INSL6: variants seen among roughly 807,000 people sequenced by gnomAD.
The protein encoded by INSL6 is insulin like 6.
A neutral mutation model predicts 9.4 loss-of-function variants in INSL6; 16 were observed. The ratio of observed to expected loss-of-function variants is 1.70; its 90% CI spans 1.15 to 2.59. INSL6 has a LOEUF of 2.59. INSL6 is among the 30% of genes most tolerant of loss of function. The probability of loss-of-function intolerance (pLI) is 0.00; values close to 1 mark genes in which losing one functional copy is unlikely to be tolerated. For missense variants in INSL6, 391 were observed against 257.3 expected (o/e 1.52, Z -3.56); for synonymous variants, 154 against 96.9 (o/e 1.59, Z -3.46).
the INSL6 span, among the ~76,000 whole-genome samples, chr9:5,103,975 A>G: frequency 5.1e-4 from 77 of 152,228 alleles, no homozygotes; most frequent in Non-Finnish European, 9.1e-4. Context: ...GGAAAGAGCT[A>G]AAATCGACAC....
At chr9:5,075,815 T>C in the INSL6 span, among the ~76,000 whole-genome samples, 2 of 152,178 alleles carry the variant, frequency 1.3e-5, no homozygotes, top group Non-Finnish European at 2.9e-5. Context: ...TAAGCTGCCA[T>C]AGATAGTGAT....
the INSL6 span, among the ~76,000 whole-genome samples, chr9:5,084,700 T>C: frequency 6.6e-6 from 1 of 152,214 alleles, no homozygotes; most frequent in Non-Finnish European, 1.5e-5. Context: ...AATTTTAACA[T>C]GGATTATTTG....
At chr9:5,148,541 G>A (rs1413515912) in intron 2 of INSL6, among the ~76,000 whole-genome samples, 1 of 152,170 alleles carries the variant, frequency 6.6e-6, no homozygotes, top group Non-Finnish European at 1.5e-5. Context: ...CTTGGGGAGA[G>A]GCCAGTTAGG....
chr9:5,160,931 A>C (rs1431868187), downstream of INSL6, among the ~76,000 whole-genome samples: 2 of 152,182 alleles, frequency 1.3e-5, no homozygotes, highest in African/African-American at 4.8e-5. Flanking sequence ...ACATGTAATA[A>C]GATTGAAGCT....
At chr9:5,183,318 G>C (rs1825498895) in intron 1 of INSL6, among the ~76,000 whole-genome samples, 1 of 151,998 alleles carries the variant, frequency 6.6e-6, no homozygotes, top group South Asian at 2.1e-4. Flanking sequence ...CTGTTACATA[G>C]TATTTCCACT....
chr9:5,066,635 G>A, the INSL6 span: 1 of 1,045,856 alleles, frequency 9.6e-7, no homozygotes, highest in Non-Finnish European at 1.5e-6. Context: ...ATAATATTAT[G>A]GTGCTTGATA....
At chr9:5,123,769 C>T (rs1823788898), downstream of INSL6, among the ~76,000 whole-genome samples, 1 of 151,960 alleles carries the variant, frequency 6.6e-6, no homozygotes, top group Non-Finnish European at 1.5e-5. Context: ...TTCTCACCAA[C>T]AGTGTATAAG....
At chr9:5,142,572 A>C (rs1824522676) in intron 2 of INSL6, among the ~76,000 whole-genome samples, 1 of 152,210 alleles carries the variant, frequency 6.6e-6, no homozygotes, top group South Asian at 2.1e-4. Context: ...GGCTTTGCTG[A>C]AGCTGTTTAT....
At chr9:5,152,104 A>G (rs1337684025) in intron 2 of INSL6, among the ~76,000 whole-genome samples, 2 of 152,338 alleles carry the variant, frequency 1.3e-5, no homozygotes, top group East Asian at 3.9e-4. Context: ...AAAAATATAA[A>G]TGACCTGAGA....
chr9:5,092,737 C>G, the INSL6 span, among the ~76,000 whole-genome samples: 1 of 152,298 alleles, frequency 6.6e-6, no homozygotes, highest in Non-Finnish European at 1.5e-5. Context: ...AGAGCGTACT[C>G]ACCTACGTGG....
chr9:5,001,862 T>C, the INSL6 span, among the ~76,000 whole-genome samples: 1 of 152,060 alleles, frequency 6.6e-6, no homozygotes, highest in Non-Finnish European at 1.5e-5. Flanking sequence ...AGAGATATGA[T>C]ACTATTCAAG....
At chr9:5,031,634 T>A in the INSL6 span, among the ~76,000 whole-genome samples, 1 of 152,224 alleles carries the variant, frequency 6.6e-6, no homozygotes, top group South Asian at 2.1e-4. Context: ...AAAGTCTGAA[T>A]TGGAACTGAA....
At chr9:5,032,667 A>C in the INSL6 span, among the ~76,000 whole-genome samples, 1 of 152,240 alleles carries the variant, frequency 6.6e-6, no homozygotes, top group Non-Finnish European at 1.5e-5. Flanking sequence ...AAACTCCAAC[A>C]GACCTGCAGC....
At chr9:5,023,213 G>A in the INSL6 span, among the ~76,000 whole-genome samples, 1 of 152,090 alleles carries the variant, frequency 6.6e-6, no homozygotes, top group East Asian at 1.9e-4. Context: ...CTACCTTCAT[G>A]TGATCAACTT....
chr9:5,009,236 C>A, the INSL6 span, among the ~76,000 whole-genome samples: 27 of 152,104 alleles, frequency 1.8e-4, no homozygotes, highest in African/African-American at 6.3e-4. Flanking sequence ...AAGGAGAGAA[C>A]GATCCATTTA....
intron 3 of INSL6, chr9:5,132,889 C>T (rs915570662): frequency 6.6e-6 from 1 of 152,170 alleles, no homozygotes; most frequent in Non-Finnish European, 1.5e-5. Context: ...ACTTTCAGTT[C>T]TGCTACCGCT....
At chr9:5,141,716 A>G (rs1312781787) in intron 2 of INSL6, among the ~76,000 whole-genome samples, 1 of 152,162 alleles carries the variant, frequency 6.6e-6, no homozygotes, top group Non-Finnish European at 1.5e-5. Flanking sequence ...GAAGCTCTTT[A>G]GTTTAATTAG....
the INSL6 span, among the ~76,000 whole-genome samples, chr9:5,063,961 G>A: frequency 1.3e-5 from 2 of 152,200 alleles, no homozygotes; most frequent in Non-Finnish European, 2.9e-5. Context: ...TTTGAGACCA[G>A]CCTGGCCAAC....
the INSL6 span, among the ~76,000 whole-genome samples, chr9:5,073,087 T>C: frequency 2.0e-5 from 3 of 152,308 alleles, no homozygotes; most frequent in African/African-American, 7.2e-5. Context: ...GCTCTGAACA[T>C]AGCAAGATAT....
Sources: gnomAD v4.1 joint callset for allele counts (sites outside exome capture counted in the v4.1 genomes callset) on GRCh38, gnomAD v4.1.1 for gene constraint, MANE v1.5 for transcripts, NCBI Gene and HGNC (gene_info 2026-07-23, HGNC 2026-07-21) for gene names.